Variants in DOK5 observed in about 807,000 individuals in gnomAD.
The protein encoded by DOK5 is docking protein 5, also known as downstream of tyrosine kinase 5.
DOK5 carries 27 observed loss-of-function variants against 43.3 expected under a neutral mutation model. That is an observed-to-expected ratio of 0.62 (90% CI 0.46 to 0.86). The LOEUF is 0.86. Ranked by LOEUF, DOK5 falls within the 40% of genes least tolerant of loss-of-function variation. DOK5 has a pLI of 0.00. For synonymous variants in DOK5, 146 were observed against 140.1 expected (o/e 1.04, Z -0.30); for missense variants, 373 against 392.9 (o/e 0.95, Z 0.43).
chr20:54,505,948 G>A (rs1982789133), intron 1 of DOK5, among the ~76,000 whole-genome samples: 1 of 152,184 alleles, frequency 6.6e-6, no homozygotes, highest in African/African-American at 2.4e-5. Context: ...ACAGGATGTT[G>A]CATTTTGTTC....
At chr20:54,564,345 G>A (rs1045892024) in intron 2 of DOK5, among the ~76,000 whole-genome samples, 2 of 152,150 alleles carry the variant, frequency 1.3e-5, no homozygotes, top group African/African-American at 4.8e-5. Context: ...GCAGGAGAAT[G>A]GCATGAACCT....
At chr20:54,552,012 G>A (rs1335019281) in intron 1 of DOK5, among the ~76,000 whole-genome samples, 4 of 152,104 alleles carry the variant, frequency 2.6e-5, no homozygotes, top group African/African-American at 9.7e-5. Flanking sequence ...ATTTTTAGTA[G>A]AGATGGGGTT....
At chr20:54,481,059 T>C (rs1471459184) in intron 1 of DOK5, among the ~76,000 whole-genome samples, 1 of 121,192 alleles carries the variant, frequency 8.3e-6, no homozygotes, top group Admixed American at 8.1e-5. Context: ...CTGTCTATCA[T>C]CTATCTATCA....
intron 1 of DOK5, among the ~76,000 whole-genome samples, chr20:54,494,524 A>T (rs1378474759): frequency 3.9e-5 from 6 of 152,222 alleles, no homozygotes; most frequent in Non-Finnish European, 5.9e-5. Context: ...GACAGCTTGC[A>T]GCTGAGCTGG....
At chr20:54,610,351 T>C (rs1986607426) in intron 5 of DOK5, 37 bp from the exon 6 acceptor site, 1 of 1,472,248 alleles carries the variant, frequency 6.8e-7, no homozygotes, top group Non-Finnish European at 9.0e-7. Context: ...TTCTAGGCGC[T>C]GGATTTTCAG....
At chr20:54,571,806 T>C (rs948251792) in intron 2 of DOK5, among the ~76,000 whole-genome samples, 8 of 152,226 alleles carry the variant, frequency 5.3e-5, no homozygotes, top group Non-Finnish European at 1.0e-4. Flanking sequence ...CTTTAGGATC[T>C]AGCTCTGGTC....
At chr20:54,481,170 CTAT>C (rs2146656469) in intron 1 of DOK5, among the ~76,000 whole-genome samples, 1 of 150,588 alleles carries the variant, frequency 6.6e-6, no homozygotes, top group South Asian at 2.1e-4. Flanking sequence ...ATCTATCTAT[CTAT>C]CTATCTATAT....
chr20:54,527,337 C>G (rs960505130), intron 1 of DOK5, among the ~76,000 whole-genome samples: 1 of 152,080 alleles, frequency 6.6e-6, no homozygotes, highest in African/African-American at 2.4e-5. Flanking sequence ...ACATTTCAAG[C>G]GTACATTCAT....
chr20:54,584,523 T>C (rs1200284501), intron 2 of DOK5, among the ~76,000 whole-genome samples: 1 of 151,614 alleles, frequency 6.6e-6, no homozygotes, highest in Non-Finnish European at 1.5e-5. Context: ...AACATAATTT[T>C]ATAGTTTTTA....
At chr20:54,615,213 C>A (rs1409712886) in intron 6 of DOK5, among the ~76,000 whole-genome samples, 1 of 152,148 alleles carries the variant, frequency 6.6e-6, no homozygotes, top group Non-Finnish European at 1.5e-5. Flanking sequence ...AGCCTTATGA[C>A]CCTCAATCCC....
intron 6 of DOK5, among the ~76,000 whole-genome samples, chr20:54,616,468 T>A (rs1568812688): frequency 6.6e-6 from 1 of 152,240 alleles, no homozygotes; most frequent in Non-Finnish European, 1.5e-5. Flanking sequence ...GACAAGGCAA[T>A]GCTTAGATAC....
intron 2 of DOK5, among the ~76,000 whole-genome samples, chr20:54,587,790 G>A: frequency 6.6e-6 from 1 of 152,162 alleles, no homozygotes; most frequent in East Asian, 1.9e-4. Flanking sequence ...CTGCTAGGAA[G>A]AAGGCGCCAC....
intron 1 of DOK5, among the ~76,000 whole-genome samples, chr20:54,544,043 G>A (rs1385758012): frequency 1.3e-5 from 2 of 152,198 alleles, no homozygotes; most frequent in Admixed American, 6.5e-5. Flanking sequence ...TCACCACCAG[G>A]AAAGGGTTGG....
At chr20:54,604,221 C>T (rs944644664) in intron 5 of DOK5, among the ~76,000 whole-genome samples, 2 of 152,018 alleles carry the variant, frequency 1.3e-5, no homozygotes, top group Non-Finnish European at 2.9e-5. Flanking sequence ...ACTGGGATTA[C>T]AGGCATGAGC....
At chr20:54,606,311 GT>G (rs1359793951) in intron 5 of DOK5, among the ~76,000 whole-genome samples, 1 of 152,050 alleles carries the variant, frequency 6.6e-6, no homozygotes, top group East Asian at 1.9e-4. Context: ...CAATCCACTG[GT>G]TTCCATTAAT....
At chr20:54,603,671 C>T (rs907717869) in intron 5 of DOK5, among the ~76,000 whole-genome samples, 10 of 152,254 alleles carry the variant, frequency 6.6e-5, no homozygotes, top group African/African-American at 1.9e-4. Flanking sequence ...TAAACTACAA[C>T]GCCCAGGACA....
chr20:54,593,133 C>A (rs1986033320), intron 5 of DOK5, among the ~76,000 whole-genome samples: 1 of 151,608 alleles, frequency 6.6e-6, no homozygotes, highest in African/African-American at 2.4e-5. Flanking sequence ...TACATTTTAC[C>A]TGTAGTCCCA....
chr20:54,592,226 G>A (rs1985997300), intron 5 of DOK5, among the ~76,000 whole-genome samples: 2 of 152,044 alleles, frequency 1.3e-5, no homozygotes, highest in Admixed American at 1.3e-4. Context: ...TTAATATGAG[G>A]GCCCATGGAG....
intron 1 of DOK5, among the ~76,000 whole-genome samples, chr20:54,525,344 T>C (rs1276067954): frequency 6.6e-6 from 1 of 152,230 alleles, no homozygotes; most frequent in Non-Finnish European, 1.5e-5. Flanking sequence ...GACTTGAACA[T>C]TAAAATTCTT....
Sources: allele counts gnomAD v4.1 joint callset (sites outside exome capture counted in the v4.1 genomes callset), GRCh38; gene constraint gnomAD v4.1.1; transcripts MANE v1.5; gene names NCBI Gene and HGNC (gene_info 2026-07-23, HGNC 2026-07-21).